The following CECR2 variants were observed in gnomAD, a reference collection of about 807,000 sequenced individuals.
The protein encoded by CECR2 is chromatin remodeling regulator CECR2.
In CECR2, 30 loss-of-function variants were observed where a neutral mutation model predicts 154.5. The observed-to-expected ratio is 0.19, with a 90% CI of 0.15 to 0.26. CECR2 has a LOEUF of 0.26. CECR2 is among the 10% of genes least tolerant of loss of function. The pLI is 1.00. For missense variants in CECR2, 1,743 were observed against 1,829.3 expected (o/e 0.95, Z 0.86); for synonymous variants, 725 against 683.7 (o/e 1.06, Z -0.94).
chr22:17,399,812 A>G (rs779761314), intron 1 of CECR2, among the ~76,000 whole-genome samples: 11 of 152,210 alleles, frequency 7.2e-5, no homozygotes, highest in Non-Finnish European at 1.3e-4. Flanking sequence ...ATTTTAGTGT[A>G]ATTTCATCAT....
At chr22:17,458,832 A>G (rs115846063) in intron 1 of CECR2, among the ~76,000 whole-genome samples, 4,749 of 152,218 alleles carry the variant, frequency 0.031, 181 homozygotes, top group African/African-American at 0.09. Context: ...TACTGTTTGT[A>G]TTACTCTGTG....
intron 1 of CECR2, among the ~76,000 whole-genome samples, chr22:17,360,664 T>C (rs960029209): frequency 2.1e-5 from 3 of 143,032 alleles, no homozygotes; most frequent in African/African-American, 7.9e-5. Flanking sequence ...GCAACAAAGC[T>C]AGACTCCATC....
chr22:17,395,929 A>G (rs1388708055), intron 1 of CECR2, among the ~76,000 whole-genome samples: 2 of 152,116 alleles, frequency 1.3e-5, no homozygotes. Context: ...TTCACTTTCT[A>G]AAAACATTTT....
At position 17,481,342 on chromosome 22, in the gene CECR2, C is replaced by CAAA. The variant is rs10714119; in HGVS notation, c.221+3679_221+3681dup. Among the ~76,000 whole-genome samples the CAAA allele has an allele frequency of 8.1e-5, 6 of 73,758 alleles. No individual in the cohort carries two copies. The East Asian group carries it at 9.3e-4, about 11-fold the overall frequency. 48.4% of individuals were successfully genotyped at this position (73,758 alleles called of 152,430 possible). A position where few individuals can be genotyped will look rare whatever the true frequency, so the allele number is the denominator to read the frequency against. ...TGGGTGACAGAGCGAGACTCTGTCT[C>CAAA]AAAAAAAAAAAAAAAAAAAAAGTAA... On this transcript the variant is annotated intron_variant, in intron 2 of 18. Transcript: ENST00000262608.
At chr22:17,534,186 C>T (rs926193183) in intron 9 of CECR2, among the ~76,000 whole-genome samples, 46 of 151,950 alleles carry the variant, frequency 3.0e-4, no homozygotes, top group African/African-American at 9.7e-4. Flanking sequence ...CAGTGCCAGG[C>T]GTGGTGGTGT....
chr22:17,368,879 G>A (rs1435156997), upstream of CECR2, among the ~76,000 whole-genome samples: 1 of 151,950 alleles, frequency 6.6e-6, no homozygotes, highest in East Asian at 1.9e-4. Context: ...CTTCGTTCCA[G>A]CTCAATCAGC....
chr22:17,529,773 GTTTTC>G (rs1210325763), intron 9 of CECR2, among the ~76,000 whole-genome samples: 1 of 151,820 alleles, frequency 6.6e-6, no homozygotes, highest in Non-Finnish European at 1.5e-5. Context: ...ACAAATGATA[GTTTTC>G]TTTGTTTGAG....
At chr22:17,448,808 C>A (rs1166659671) in intron 1 of CECR2, among the ~76,000 whole-genome samples, 1 of 152,090 alleles carries the variant, frequency 6.6e-6, no homozygotes, top group Non-Finnish European at 1.5e-5. Context: ...TCCCAGATGC[C>A]GTCCTCCTAA....
At chr22:17,388,853 G>C (rs1489238876) in intron 1 of CECR2, among the ~76,000 whole-genome samples, 1 of 151,678 alleles carries the variant, frequency 6.6e-6, no homozygotes, top group East Asian at 1.9e-4. Flanking sequence ...TCACTCTGTC[G>C]CCCAGGCTGG....
At chr22:17,426,482 A>G (rs2054332823) in intron 1 of CECR2, among the ~76,000 whole-genome samples, 1 of 152,060 alleles carries the variant, frequency 6.6e-6, no homozygotes, top group South Asian at 2.1e-4. Context: ...TCAGCCTCCC[A>G]AGTAGCTGCG....
chr22:17,553,030 C>T lies in CECR2; in HGVS notation c.*190C>T. 7.5e-7 allele frequency: 1 copy of T among 1,330,274 alleles called. No homozygotes were observed. The allele number at this position is 1,330,274 out of a possible 1,614,324, so 82.4% of individuals were successfully genotyped here. A position where few individuals can be genotyped will look rare whatever the true frequency, so the allele number is the denominator to read the frequency against. On this transcript the variant is annotated 3_prime_UTR_variant, in exon 19 of 19. Transcript: ENST00000262608. ...GGACACTCCTTAGATGACTGACACA[C>T]AGATTGCAAAGGTCCTCGGCCAGGG...
At chr22:17,479,824 G>A (rs76060935) in intron 2 of CECR2, among the ~76,000 whole-genome samples, 1,879 of 144,426 alleles carry the variant, frequency 0.013, 38 homozygotes, top group East Asian at 0.089. Flanking sequence ...CTGGAGTGCA[G>A]TGGCAGGATC....
intron 1 of CECR2, among the ~76,000 whole-genome samples, chr22:17,448,571 C>T (rs748047009): frequency 3.3e-5 from 5 of 152,114 alleles, no homozygotes; most frequent in Non-Finnish European, 7.3e-5. Context: ...TAAGTCACTG[C>T]TTTCTACACG....
At chr22:17,413,824 C>T (rs1180748067) in intron 1 of CECR2, among the ~76,000 whole-genome samples, 1 of 150,994 alleles carries the variant, frequency 6.6e-6, no homozygotes, top group Non-Finnish European at 1.5e-5. Flanking sequence ...CTACAAGTGC[C>T]TGCCACCACG....
intron 4 of CECR2, among the ~76,000 whole-genome samples, chr22:17,500,356 A>G (rs577907659): frequency 1.3e-5 from 2 of 152,268 alleles, no homozygotes; most frequent in East Asian, 3.9e-4. Flanking sequence ...TCCCAAAACA[A>G]TGCTAACCTC....
rs370040041 is a variant in CECR2, at chr22:17,490,145, T to TG, written c.222-7258_222-7257insG. On this transcript the variant is annotated intron_variant, in intron 2 of 18. Coordinates refer to ENST00000262608, the MANE Select transcript of CECR2 (RefSeq NM_001290047.2). ...TGAGATCTGTTCCTTACTGTTTTTT[T>TG]TTTGTGTGTGTGTGTGTGTGTGTTT... Among the ~76,000 whole-genome samples the TG allele has an allele frequency of 2.7e-3, 259 of 94,448 alleles. 1 individual carries two copies. In the South Asian group the frequency reaches 0.049, roughly 18 times the overall value. 62.0% of individuals were successfully genotyped at this position (94,448 alleles called of 152,430 possible). A position where few individuals can be genotyped will look rare whatever the true frequency, so the allele number is the denominator to read the frequency against.
chr22:17,544,430 A>G (rs978767695), intron 16 of CECR2, among the ~76,000 whole-genome samples: 8 of 143,792 alleles, frequency 5.6e-5, no homozygotes, highest in Non-Finnish European at 1.1e-4. Flanking sequence ...CCTGGGAGGG[A>G]GAGGTTGCAG....
intron 7 of CECR2, among the ~76,000 whole-genome samples, chr22:17,511,133 T>C (rs1369757987): frequency 6.6e-6 from 1 of 152,200 alleles, no homozygotes; most frequent in Non-Finnish European, 1.5e-5. Context: ...TACCTTTTAG[T>C]AGTAGGTTAC....
At chr22:17,372,572 G>A (rs1168129282) in intron 1 of CECR2, among the ~76,000 whole-genome samples, 1 of 152,096 alleles carries the variant, frequency 6.6e-6, no homozygotes, top group Non-Finnish European at 1.5e-5. Flanking sequence ...GTAGGCTGAG[G>A]CAGGATGATC....
Sources: gnomAD v4.1 joint callset for allele counts (sites outside exome capture counted in the v4.1 genomes callset) on GRCh38, gnomAD v4.1.1 for gene constraint, MANE v1.5 for transcripts, NCBI Gene and HGNC (gene_info 2026-07-23, HGNC 2026-07-21) for gene names.